The following PLD5 variants were observed in gnomAD, a reference collection of about 807,000 sequenced individuals.
The protein encoded by PLD5 is inactive phospholipase D5.
A neutral mutation model predicts 61.1 loss-of-function variants in PLD5; 36 were observed. The ratio of observed to expected loss-of-function variants is 0.59; its 90% CI spans 0.45 to 0.78. The LOEUF (loss-of-function observed/expected upper bound fraction) is 0.78. Among genes scored for constraint, PLD5 ranks in the 30% least tolerant of loss-of-function variants. The pLI, the probability that PLD5 is intolerant of heterozygous loss-of-function variation, is 0.00. For synonymous variants in PLD5, 243 were observed against 242.8 expected (o/e 1.00, Z -0.01); for missense variants, 515 against 644.4 (o/e 0.80, Z 2.17).
intron 5 of PLD5, among the ~76,000 whole-genome samples, chr1:242,169,536 T>A (rs1666584672): frequency 1.3e-5 from 2 of 152,108 alleles, no homozygotes; most frequent in Non-Finnish European, 2.9e-5. Context: ...TGCAAGATTT[T>A]TTTTTCCATA....
intron 1 of PLD5, among the ~76,000 whole-genome samples, chr1:242,460,686 G>A (rs1667090484): frequency 1.3e-5 from 2 of 151,912 alleles, no homozygotes; most frequent in Non-Finnish European, 2.9e-5. Context: ...CTGTGAAAAG[G>A]TCTAGTTACA....
At chr1:242,342,705 C>T (rs1325790757) in intron 2 of PLD5, among the ~76,000 whole-genome samples, 2 of 151,168 alleles carry the variant, frequency 1.3e-5, no homozygotes, top group Admixed American at 1.3e-4. Flanking sequence ...TCATTTAAAA[C>T]ATATTGGGAA....
chr1:242,240,486 T>C (rs1671929208), intron 4 of PLD5, among the ~76,000 whole-genome samples: 1 of 152,206 alleles, frequency 6.6e-6, no homozygotes, highest in Non-Finnish European at 1.5e-5. Context: ...CAGAATTGAA[T>C]TGATGCTTTA....
At chr1:242,399,149 A>C (rs1663777539) in intron 1 of PLD5, among the ~76,000 whole-genome samples, 1 of 152,222 alleles carries the variant, frequency 6.6e-6, no homozygotes, top group Non-Finnish European at 1.5e-5. Context: ...TGAAAAAACA[A>C]GACTGTGCAC....
At position 242,183,711 on chromosome 1, in the gene PLD5, C is replaced by T. The variant is rs370062916; in HGVS notation, c.735+36277G>A. 5.8e-4 allele frequency among the ~76,000 whole-genome samples: 88 copies of T among 152,200 alleles called. 2 individuals carry two copies. In the South Asian group the frequency reaches 0.016, roughly 28 times the overall value. ...GAGATCCAGACCATCTTGGCTAACACGGTGAAACCCGTCTCTACTAAAAAT... is the reference window on the plus strand; with the variant it reads ...GAGATCCAGACCATCTTGGCTAACATGGTGAAACCCGTCTCTACTAAAAAT... On this transcript the variant is annotated intron_variant, in intron 5 of 9. Transcript: ENST00000536534.
chr1:242,441,744 C>T (rs577202468), intron 1 of PLD5, among the ~76,000 whole-genome samples: 31 of 152,182 alleles, frequency 2.0e-4, no homozygotes, highest in Non-Finnish European at 3.2e-4. Context: ...GGGGAGCCAC[C>T]GAGCCCACCT....
In PLD5 at chr1:242,085,309, C is replaced by T. The variant is rs534930119; in HGVS notation, c.*4545G>A. 8.6e-5 allele frequency: 13 copies of T among 151,908 alleles called. No individual in the cohort carries two copies. The highest frequency in any genetic ancestry group is 1.8e-4 in the Non-Finnish European group (12 of 68,000). The allele number at this position is 151,908 out of a possible 1,614,324, so 9.4% of individuals were successfully genotyped here. A position where few individuals can be genotyped will look rare whatever the true frequency, so the allele number is the denominator to read the frequency against. ...TTAGAACCTTGTAAATACAAGACTG[C>T]TAATGGGTCAAAAATAAGAAAATTT... On this transcript the variant is annotated 3_prime_UTR_variant, in exon 10 of 10. Transcript: ENST00000536534.
At chr1:242,361,940 C>T (rs1661087869) in intron 1 of PLD5, among the ~76,000 whole-genome samples, 1 of 150,800 alleles carries the variant, frequency 6.6e-6, no homozygotes, top group Admixed American at 6.6e-5. Flanking sequence ...TTCAAGACTA[C>T]CCTGGCCAAC....
chr1:242,512,143 G>C lies in PLD5; in HGVS notation c.189+11945C>G, dbSNP rs1668931939. Reference sequence around the variant, plus strand: ...TTTGGTGGGTTTGGTTGGGTGCGGTGGTTCACGCCTGTAATCCCAGCACTT... The same window carrying C: ...TTTGGTGGGTTTGGTTGGGTGCGGTCGTTCACGCCTGTAATCCCAGCACTT... On this transcript the variant is annotated intron_variant, in intron 1 of 9. Transcript: ENST00000536534. 9.2e-5 allele frequency among the ~76,000 whole-genome samples: 14 copies of C among 151,902 alleles called. 1 individual carries two copies. The South Asian group carries it at 2.9e-3, about 32-fold the overall frequency.
rs1659580419 is a variant in PLD5, at chr1:242,088,540, T to G, written c.*1314A>C. On this transcript the variant is annotated 3_prime_UTR_variant, in exon 10 of 10. Coordinates refer to ENST00000536534, the MANE Select transcript of PLD5 (RefSeq NM_001372062.1). ...GCGAGGTAGGTGAGTTATTACCGTCTACATTACCAAGAGAAGCCCGAGGCC... is the reference window on the plus strand; with the variant it reads ...GCGAGGTAGGTGAGTTATTACCGTCGACATTACCAAGAGAAGCCCGAGGCC... The G allele has an allele frequency of 6.6e-6, 1 of 152,152 alleles. No homozygotes were observed. The highest frequency in any genetic ancestry group is 2.4e-5 in the African/African-American group (1 of 41,434). 9.4% of individuals were successfully genotyped at this position (152,152 alleles called of 1,614,324 possible). A position where few individuals can be genotyped will look rare whatever the true frequency, so the allele number is the denominator to read the frequency against.
intron 4 of PLD5, among the ~76,000 whole-genome samples, chr1:242,262,496 G>A (rs114203423): frequency 0.012 from 1,773 of 152,320 alleles, 46 homozygotes; most frequent in African/African-American, 0.04. Context: ...GGGGGAACAC[G>A]TAAGGTGATA....
At chr1:242,462,040 C>T (rs368963097) in intron 1 of PLD5, among the ~76,000 whole-genome samples, 2 of 152,180 alleles carry the variant, frequency 1.3e-5, no homozygotes, top group Non-Finnish European at 2.9e-5. Context: ...GCTCTGTTGA[C>T]AGTTTCTTTT....
chr1:242,207,950 T>TTATATA (rs1324287866), intron 5 of PLD5, among the ~76,000 whole-genome samples: 1 of 10,108 alleles, frequency 9.9e-5, no homozygotes, highest in Non-Finnish European at 1.8e-4. Flanking sequence ...TTATATATAT[T>TTATATA]TATTTATATA....
intron 1 of PLD5, among the ~76,000 whole-genome samples, chr1:242,418,548 A>T (rs909118153): frequency 1.3e-5 from 2 of 152,152 alleles, no homozygotes; most frequent in African/African-American, 4.8e-5. Context: ...AAATCAGCAA[A>T]GGAGACCACA....
intron 4 of PLD5, among the ~76,000 whole-genome samples, chr1:242,233,154 A>AATG: frequency 6.7e-6 from 1 of 149,848 alleles, no homozygotes; most frequent in African/African-American, 2.5e-5. Context: ...ATTCTGACTC[A>AATG]AATGAATGAA....
intron 1 of PLD5, among the ~76,000 whole-genome samples, chr1:242,370,937 G>T (rs1331013011): frequency 6.6e-6 from 1 of 152,130 alleles, no homozygotes; most frequent in Non-Finnish European, 1.5e-5. Context: ...TCAACTTTCT[G>T]TGATAGGAGA....
chr1:242,288,169 G>T (rs1235918019), intron 3 of PLD5, among the ~76,000 whole-genome samples, 193 bp downstream of exon 3: 1 of 152,190 alleles, frequency 6.6e-6, no homozygotes, highest in African/African-American at 2.4e-5. Flanking sequence ...TTGCAAACCT[G>T]GCATTCTAGT....
At chr1:242,105,984 G>A (rs756094831) in intron 8 of PLD5, among the ~76,000 whole-genome samples, 1 of 152,170 alleles carries the variant, frequency 6.6e-6, no homozygotes, top group Non-Finnish European at 1.5e-5. Context: ...AAACCAACCA[G>A]CTCATGCTAG....
At chr1:242,106,551 G>A (rs1250897040) in intron 8 of PLD5, among the ~76,000 whole-genome samples, 1 of 152,168 alleles carries the variant, frequency 6.6e-6, no homozygotes, top group African/African-American at 2.4e-5. Context: ...CCATGTGAAA[G>A]CTATCCAGGC....
Sources: gnomAD v4.1 joint callset for allele counts (sites outside exome capture counted in the v4.1 genomes callset) on GRCh38, gnomAD v4.1.1 for gene constraint, MANE v1.5 for transcripts, NCBI Gene and HGNC (gene_info 2026-07-23, HGNC 2026-07-21) for gene names.